The following VCAN variants were observed in gnomAD, a reference collection of about 807,000 sequenced individuals.
VCAN encodes versican, also known as versican core protein.
In VCAN, 44 loss-of-function variants were observed where a neutral mutation model predicts 245.5. The ratio of observed to expected loss-of-function variants is 0.18; its 90% CI spans 0.14 to 0.23. The LOEUF is 0.23. Ranked by LOEUF, VCAN falls within the 10% of genes least tolerant of loss-of-function variation. The probability of loss-of-function intolerance (pLI) is 1.00; values close to 1 mark genes in which losing one functional copy is unlikely to be tolerated. For synonymous variants in VCAN, 1,413 were observed against 1,437.0 expected, an observed-to-expected ratio of 0.98 and a Z score of 0.38; for missense variants, 3,793 against 4,057.9, an observed-to-expected ratio of 0.93 and a Z score of 1.77.
chr5:83,524,566 A>G (rs1746223400), intron 7 of VCAN, among the ~76,000 whole-genome samples: 2 of 151,090 alleles, frequency 1.3e-5, no homozygotes, highest in African/African-American at 4.9e-5. Context: ...CTACCTACCT[A>G]CCTACCTACC....
chr5:83,512,161 G>T lies in VCAN; in HGVS notation c.807G>T (p.Glu269Asp). Residue 269 changes from glutamate to aspartate, a missense_variant, in exon 6 of 15, where the codon GAG becomes GAT. Physicochemically the swap from Glu to Asp is conservative, Grantham distance 45. This residue lies in a region of VCAN where 190 missense variants were observed against 288.6 expected (regional missense o/e 0.66). Coordinates refer to ENST00000265077, the MANE Select transcript of VCAN (RefSeq NM_004385.5). ...TCACCTTCGAGGAGGCTGCAAAAGA[G>T]TGTGAAAACCAGGATGCCAGGCTGG... Reference protein sequence around the residue: ...SKFTFEEAAKECENQDARLAT... With the variant: ...SKFTFEEAAKDCENQDARLAT... 6.2e-7 allele frequency: 1 copy of T among 1,614,170 alleles called. No individual in the cohort carries two copies. Among genetic ancestry groups the T allele is most frequent in the Non-Finnish European group, 8.5e-7 (1 of 1,180,044 alleles).
chr5:83,516,111 A>G (rs1745847022), intron 6 of VCAN, among the ~76,000 whole-genome samples: 1 of 152,130 alleles, frequency 6.6e-6, no homozygotes, highest in South Asian at 2.1e-4. Context: ...GGGCGCCTGT[A>G]GTCCCAGTCC....
intron 2 of VCAN, among the ~76,000 whole-genome samples, chr5:83,489,295 A>T (rs1050886898): frequency 2.6e-5 from 4 of 152,232 alleles, no homozygotes; most frequent in African/African-American, 7.2e-5. Context: ...AGAGAAAGGG[A>T]TGGATTCCTC....
Position 83,520,930 on chromosome 5 carries a change from C to T in VCAN, c.2624C>T (p.Ala875Val), listed in dbSNP as rs1439681377. Residue 875 changes from alanine (A) to valine (V), a missense_variant, in exon 7 of 15, where the codon GCC (alanine) becomes GTC (valine). Physicochemically the swap from Ala to Val is moderately conservative, Grantham distance 64. This residue lies in a region of VCAN where 3,182 missense variants were observed against 3,250.3 expected (regional missense o/e 0.98). Transcript: ENST00000265077. ...LEEVTDEDIA[A>V]HGKFTIRFQP... ...GAGGTTACTGATGAAGACATAGCAG[C>T]CCATGGAAAATTCACAATTAGATTT... 1.9e-6 allele frequency: 3 copies of T among 1,613,974 alleles called. No homozygotes were observed. The highest frequency in any genetic ancestry group is 3.3e-5 in the Admixed American group (2 of 60,004).
intron 1 of VCAN, among the ~76,000 whole-genome samples, chr5:83,478,792 A>G (rs1018094143): frequency 1.3e-5 from 2 of 152,214 alleles, no homozygotes; most frequent in Admixed American, 1.3e-4. Context: ...GGCATTGTGG[A>G]TACAGGAGTG....
chr5:83,532,528 G>A (rs1239928119), intron 7 of VCAN, among the ~76,000 whole-genome samples: 1 of 151,960 alleles, frequency 6.6e-6, no homozygotes, highest in Non-Finnish European at 1.5e-5. Flanking sequence ...TGAAAGCCCT[G>A]GGTAATTAAC....
At chr5:83,564,656 A>C (rs1343205734) in intron 12 of VCAN, among the ~76,000 whole-genome samples, 1 of 150,542 alleles carries the variant, frequency 6.6e-6, no homozygotes, top group African/African-American at 2.4e-5. Context: ...GTGAACAGAG[A>C]GGGCTTTTGC....
chr5:83,572,059 T>A (rs1017981985), intron 12 of VCAN, among the ~76,000 whole-genome samples: 1 of 151,994 alleles, frequency 6.6e-6, no homozygotes, highest in Admixed American at 6.6e-5. Flanking sequence ...ATGATTAGAG[T>A]GATGAGATTA....
intron 1 of VCAN, among the ~76,000 whole-genome samples, chr5:83,477,784 G>T (rs573440584): frequency 6.6e-6 from 1 of 152,034 alleles, no homozygotes; most frequent in African/African-American, 2.4e-5. Context: ...CAAAATATGA[G>T]CAAAAATTAT....
At position 83,541,781 on chromosome 5, in the gene VCAN, T is replaced by A. The variant is rs1747005334; in HGVS notation, c.8778T>A (p.Thr2926=). ...CAGAACTTATTGCTGTGGAAGGAAC[T>A]GAGATTCTCCAAGATTTCCAAAACA... ...SPTELIAVEG[T]EILQDFQNKT... The change falls in exon 8 of 15, where the codon ACT becomes ACA. Residue 2926 remains threonine (T), a synonymous_variant. Transcript: ENST00000265077. 1 of 1,614,058 alleles carries A rather than the reference T, an allele frequency of 6.2e-7. No individual in the cohort carries two copies. The highest frequency in any genetic ancestry group is 1.3e-5 in the African/African-American group (1 of 75,020).
At chr5:83,550,068 T>C (rs1210678427) in intron 10 of VCAN, among the ~76,000 whole-genome samples, 1 of 152,212 alleles carries the variant, frequency 6.6e-6, no homozygotes, top group South Asian at 2.1e-4. Context: ...GAAAGGGCTA[T>C]TGGAACAGTA....
At position 83,555,143 on chromosome 5, in the gene VCAN, T is replaced by A. The variant is rs1580062783; in HGVS notation, c.9735+105T>A. ...TGCATTAGACTGGAGGCAAGTTAAA[T>A]GACTTGCTCAAGGTCACTCAGTGAA... On this transcript the variant is annotated intron_variant, in intron 12 of 14. Transcript: ENST00000265077. 3.3e-6 allele frequency: 4 copies of A among 1,195,196 alleles called. No individual in the cohort carries two copies. The East Asian group carries it at 7.3e-5, about 22-fold the overall frequency. 74.0% of individuals were successfully genotyped at this position (1,195,196 alleles called of 1,614,324 possible). A position where few individuals can be genotyped will look rare whatever the true frequency, so the allele number is the denominator to read the frequency against.
chr5:83,489,048 T>A (rs1561227738), intron 2 of VCAN, among the ~76,000 whole-genome samples: 1 of 152,218 alleles, frequency 6.6e-6, no homozygotes, highest in African/African-American at 2.4e-5. Context: ...TCATTTCCAA[T>A]GCATGCCCAT....
At chr5:83,577,753 G>A (rs985592827) in intron 13 of VCAN, among the ~76,000 whole-genome samples, 2 of 152,052 alleles carry the variant, frequency 1.3e-5, no homozygotes, top group African/African-American at 4.8e-5. Flanking sequence ...TATTATTTCT[G>A]TATGAATACA....
At position 83,552,672 on chromosome 5, in the gene VCAN, A is replaced by G. The variant is rs1747513160; in HGVS notation, c.9494-692A>G. On this transcript the variant is annotated intron_variant, in intron 10 of 14. Transcript: ENST00000265077. ...CACAGACACACACACACACATATGT[A>G]TATGACCTGGTGGAATGGGGGGGTG... 2.0e-5 allele frequency among the ~76,000 whole-genome samples: 3 copies of G among 152,190 alleles called. No homozygotes were observed. The South Asian group carries it at 6.2e-4, about 31-fold the overall frequency.
chr5:83,547,556 C>T (rs536851589), intron 9 of VCAN, among the ~76,000 whole-genome samples: 2 of 152,084 alleles, frequency 1.3e-5, no homozygotes, highest in Non-Finnish European at 2.9e-5. Flanking sequence ...CAGTTAGATA[C>T]TTTGAGTAGT....
chr5:83,537,235 T>A lies in VCAN; in HGVS notation c.4232T>A (p.Ile1411Lys). The A allele has an allele frequency of 1.2e-6, 2 of 1,613,864 alleles. No homozygotes were observed. Among genetic ancestry groups the A allele is most frequent in the Non-Finnish European group, 1.7e-6 (2 of 1,179,928 alleles). Residue 1411 changes from isoleucine to lysine, a missense_variant, in exon 8 of 15, where the codon ATA becomes AAA. This residue lies in a region of VCAN where 3,182 missense variants were observed against 3,250.3 expected (regional missense o/e 0.98). Coordinates refer to ENST00000265077, the MANE Select transcript of VCAN (RefSeq NM_004385.5). ...DVTTTPSVQY[I>K]NGKHLVTTVP... ...ACAACCACCCCATCTGTGCAGTACA[T>A]AAATGGGAAGCATCTCGTTACCACT...
intron 5 of VCAN, among the ~76,000 whole-genome samples, chr5:83,497,434 T>C (rs1030655268): frequency 1.3e-5 from 2 of 152,170 alleles, no homozygotes; most frequent in African/African-American, 4.8e-5. Flanking sequence ...TTATGCATAT[T>C]CAATGAATAT....
intron 6 of VCAN, among the ~76,000 whole-genome samples, chr5:83,516,937 T>G (rs1287315835): frequency 6.6e-6 from 1 of 152,234 alleles, no homozygotes; most frequent in Non-Finnish European, 1.5e-5. Flanking sequence ...CCACCCAAAC[T>G]GAAAAGGAAG....
Sources: allele counts gnomAD v4.1 joint callset (sites outside exome capture counted in the v4.1 genomes callset), GRCh38; gene constraint gnomAD v4.1.1; regional missense constraint gnomAD v4.1.1; transcripts MANE v1.5; gene names NCBI Gene and HGNC (gene_info 2026-07-23, HGNC 2026-07-21).